Variants in NDRG2 observed in about 807,000 individuals in gnomAD.
The protein encoded by NDRG2 is protein NDRG2.
NDRG2 carries 34 observed loss-of-function variants against 58.2 expected under a neutral mutation model. That is an observed-to-expected ratio of 0.58 (90% CI 0.44 to 0.78). The LOEUF is 0.78. NDRG2 is among the 30% of genes least tolerant of loss of function. The pLI, the probability that NDRG2 is intolerant of heterozygous loss-of-function variation, is 0.00. For synonymous variants in NDRG2, 187 were observed against 175.9 expected (o/e 1.06, Z -0.50); for missense variants, 434 against 471.2 (o/e 0.92, Z 0.73).
At chr14:21,060,958 A>G (rs1054708813) in intron 1 of NDRG2, among the ~76,000 whole-genome samples, 10 of 152,228 alleles carry the variant, frequency 6.6e-5, no homozygotes, top group African/African-American at 2.4e-4. Context: ...CGTGTGCTCA[A>G]TACACATTAC....
chr14:21,025,794 T>A, upstream of NDRG2: 2 of 360,642 alleles, frequency 5.5e-6, no homozygotes, highest in Non-Finnish European at 7.3e-6. This position sits in a 1 kb window ranked among gnomAD's most constrained non-coding sequence, Gnocchi z 5.1. Flanking sequence ...TAGAGGGCGA[T>A]CGCGGGCAGG....
intron 1 of NDRG2, among the ~76,000 whole-genome samples, chr14:21,050,739 T>C (rs1347962011): frequency 6.6e-6 from 1 of 152,224 alleles, no homozygotes; most frequent in East Asian, 1.9e-4. Context: ...TCAATGTCAA[T>C]TTCCCCTTTT....
At chr14:21,054,880 G>T (rs1015472981) in intron 1 of NDRG2, among the ~76,000 whole-genome samples, 1 of 152,112 alleles carries the variant, frequency 6.6e-6, no homozygotes, top group African/African-American at 2.4e-5. Context: ...ACCTAGAACT[G>T]TACCGAGCAC....
chr14:21,036,093 G>T, intron 1 of NDRG2: 1 of 423,454 alleles, frequency 2.4e-6, no homozygotes. Context: ...CCGGCACATG[G>T]TGAGTCCTCA....
At chr14:21,063,072 G>C (rs1233843489) in intron 1 of NDRG2, among the ~76,000 whole-genome samples, 1 of 151,958 alleles carries the variant, frequency 6.6e-6, no homozygotes, top group Non-Finnish European at 1.5e-5. Flanking sequence ...GGTGGTTGCA[G>C]TCAGCTGAGA....
chr14:21,038,667 G>A (rs1375989774), intron 1 of NDRG2, among the ~76,000 whole-genome samples: 1 of 152,168 alleles, frequency 6.6e-6, no homozygotes, highest in African/African-American at 2.4e-5. Context: ...AGAAAGACAG[G>A]TTTGCCCGAT....
chr14:21,025,794 T>G, upstream of NDRG2: 1,602 of 359,508 alleles, frequency 4.5e-3, no homozygotes, highest in Non-Finnish European at 5.4e-3. This position sits in a 1 kb window ranked among gnomAD's most constrained non-coding sequence, Gnocchi z 5.1. Flanking sequence ...TAGAGGGCGA[T>G]CGCGGGCAGG....
In NDRG2 at chr14:21,043,193, C is replaced by G. The variant is rs1215222755; in HGVS notation, c.25-19872G>C. The G allele has an allele frequency of 1.9e-6, 3 of 1,614,048 alleles. No individual in the cohort carries two copies. The highest frequency in any genetic ancestry group is 2.5e-6 in the Non-Finnish European group (3 of 1,180,034). On this transcript the variant is annotated intron_variant, in intron 1 of 14. Transcript: ENST00000403829. ...ACAAGCACACAAAACGGTGCAAAGA[C>G]CTCAACACCTTCCTGCACGAGCCTT... is the stretch of plus-strand genomic sequence containing the variant.
At position 21,022,500 on chromosome 14, in the gene NDRG2, G is replaced by A. The variant is rs111249816; in HGVS notation, c.118-3C>T. 6.2e-7 allele frequency: 1 copy of A among 1,609,224 alleles called. No homozygotes were observed. The highest frequency in any genetic ancestry group is 2.2e-5 in the East Asian group (1 of 44,850). ...TATGGTGTCTCCACAGAGTGAGTCT[G>A]CAGGAAAACAGGGCACCAAGAGCTA... On this transcript the variant is annotated splice_region_variant and splice_polypyrimidine_tract_variant and intron_variant, in intron 3 of 15. Transcript: ENST00000556147.
Position 21,068,661 on chromosome 14 carries a change from T to G in NDRG2, c.24+2167A>C, listed in dbSNP as rs549213573. 2.6e-5 allele frequency among the ~76,000 whole-genome samples: 4 copies of G among 152,292 alleles called. No individual in the cohort carries two copies. The South Asian group carries it at 6.2e-4, about 24-fold the overall frequency. On this transcript the variant is annotated intron_variant, in intron 1 of 14. Transcript: ENST00000403829. ...TCTCCTAGCTCGCGGGCCCTCGTAATAGAGAACCTGGAGAGTGTCGGTGAC... is the reference window on the plus strand; with the variant it reads ...TCTCCTAGCTCGCGGGCCCTCGTAAGAGAGAACCTGGAGAGTGTCGGTGAC...
At chr14:21,031,272 A>G in intron 1 of NDRG2, 13 of 1,428,992 alleles carry the variant, frequency 9.1e-6, no homozygotes, top group Non-Finnish European at 1.2e-5. Context: ...CAGGGCCGAA[A>G]CAGACTTTAG....
intron 1 of NDRG2, among the ~76,000 whole-genome samples, chr14:21,041,850 A>G (rs983077168): frequency 6.6e-6 from 1 of 152,186 alleles, no homozygotes; most frequent in Non-Finnish European, 1.5e-5. Flanking sequence ...GCCTCGTGAC[A>G]GTGATGATTC....
At chr14:21,063,938 C>T (rs1453640827) in intron 1 of NDRG2, among the ~76,000 whole-genome samples, 1 of 152,198 alleles carries the variant, frequency 6.6e-6, no homozygotes, top group Non-Finnish European at 1.5e-5. Context: ...TTACATAGAA[C>T]CGAATCTGCT....
At chr14:21,037,486 G>T (rs1454224017) in intron 1 of NDRG2, among the ~76,000 whole-genome samples, 1 of 152,226 alleles carries the variant, frequency 6.6e-6, no homozygotes, top group African/African-American at 2.4e-5. Context: ...GGGACAATTG[G>T]ATAATGTCTG....
At chr14:21,064,699 CTG>C (rs1886165673) in intron 1 of NDRG2, among the ~76,000 whole-genome samples, 3 of 152,202 alleles carry the variant, frequency 2.0e-5, no homozygotes, top group Admixed American at 2.0e-4. Flanking sequence ...GAACACAAAA[CTG>C]TTATTTTCAA....
At chr14:21,054,360 A>T (rs1465007275) in intron 1 of NDRG2, among the ~76,000 whole-genome samples, 14 of 151,046 alleles carry the variant, frequency 9.3e-5, no homozygotes, top group Admixed American at 9.2e-4. Context: ...ACACACACAC[A>T]CACTGCTGAG....
chr14:21,056,209 G>A lies in NDRG2; in HGVS notation c.24+14619C>T, dbSNP rs555508088. 1.1e-4 allele frequency among the ~76,000 whole-genome samples: 16 copies of A among 152,172 alleles called. No homozygotes were observed. In the South Asian group the frequency reaches 2.1e-3, roughly 20 times the overall value. The stretch of plus-strand genomic sequence containing the variant: ...GAGGGGAGTCCAACACACTATCGCC[G>A]ACCTGAGAAACTGCAGTGCAGAGCC... On this transcript the variant is annotated intron_variant, in intron 1 of 14. Transcript: ENST00000403829.
chr14:21,043,183 G>T (rs201250028), intron 1 of NDRG2: 1 of 1,614,030 alleles, frequency 6.2e-7, no homozygotes, highest in Non-Finnish European at 8.5e-7. Flanking sequence ...CACACAAAAC[G>T]GTGCAAAGAC....
intron 3 of NDRG2, 99 bp from the exon 4 acceptor site, chr14:21,022,596 G>T: frequency 1.2e-6 from 1 of 838,334 alleles, no homozygotes; most frequent in Non-Finnish European, 1.9e-6. Context: ...TGGGCAAGAG[G>T]GAAAAGGGAA....
Sources: allele counts gnomAD v4.1 joint callset (sites outside exome capture counted in the v4.1 genomes callset), GRCh38; gene constraint gnomAD v4.1.1; non-coding constraint Gnocchi (gnomAD v3.1); transcripts MANE v1.5; gene names NCBI Gene and HGNC (gene_info 2026-07-23, HGNC 2026-07-21).